The following PDHA2 variants were observed in gnomAD, a reference collection of about 807,000 sequenced individuals.
The protein encoded by PDHA2 is pyruvate dehydrogenase E1 subunit alpha 2.
For missense variants in PDHA2, 533 were observed against 495.8 expected (o/e 1.07, Z -0.71); for synonymous variants, 188 against 185.9 (o/e 1.01, Z -0.09).
At position 95,841,059 on chromosome 4, in the gene PDHA2, A is replaced by C; in HGVS notation, c.909A>C (p.Glu303Asp). ...CTGGAGTCAGTTATCGTACACGAGA[A>C]GAAATTCAGGAAGTAAGAAGTAAGA... ...SDPGVSYRTR[E>D]EIQEVRSKRD... Residue 303 changes from glutamate to aspartate, a missense_variant, in exon 1 of 1, where the codon GAA becomes GAC. Glu to Asp is a conservative substitution (Grantham distance 45). Coordinates refer to ENST00000295266, the MANE Select transcript of PDHA2 (RefSeq NM_005390.5). The C allele has an allele frequency of 6.2e-7, 1 of 1,614,214 alleles. No individual in the cohort carries two copies. The highest frequency in any genetic ancestry group is 8.5e-7 in the Non-Finnish European group (1 of 1,180,038).
rs773360673 is a variant in PDHA2 at position 95,840,960 on chromosome 4, C to G, written c.810C>G (p.Tyr270Ter). 5 of 1,614,040 alleles carry G rather than the reference C, an allele frequency of 3.1e-6. No homozygotes were observed. The highest frequency in any genetic ancestry group is 4.2e-6 in the Non-Finnish European group (5 of 1,180,016). The change falls in exon 1 of 1, where the codon TAC (tyrosine) becomes TAG (stop). Residue 270 changes from tyrosine (Y) to a stop codon, truncating the protein, a stop_gained. Coordinates refer to ENST00000295266, the MANE Select transcript of PDHA2 (RefSeq NM_005390.5). LOFTEE classifies it low-confidence loss of function (END_TRUNC). ...AGGCAACAAAATTTGCAGCTAACTA[C>G]TGTAGATCTGGAAAGGGGCCCATAC... ...VREATKFAANYCRSGKGPILM... is the reference protein window; with the variant it reads ...VREATKFAAN
Position 95,840,570 on chromosome 4 carries a change from AG to A in PDHA2, c.422del (p.Gly141GlufsTer49). 6.2e-7 allele frequency: 1 copy of A among 1,614,138 alleles called. No homozygotes were observed. ...TTCTCGCAGAGCTGACGGGAAGAAG[AG>A]GAGGTTGTGCTAAAGGAAAAGGAGG... ...SILAELTGRR[G>X]GCAKGKGGSM... is the part of the protein sequence containing the mutation. On this transcript the variant is annotated frameshift_variant, in exon 1 of 1. Transcript: ENST00000295266. LOFTEE classifies it low-confidence loss of function (END_TRUNC).
chr4:95,841,148 T>G lies in PDHA2; in HGVS notation c.998T>G (p.Leu333Ter). Residue 333 changes from leucine (L) to a stop codon, truncating the protein, a stop_gained, in exon 1 of 1, where the codon TTA becomes TGA. Transcript: ENST00000295266. LOFTEE classifies it low-confidence loss of function (END_TRUNC). ...AGCAAGCTCGCCACTGTGGAAGAAT[T>G]AAAGGAAATTGGGGCTGAGGTGAGG... ...VNSKLATVEELKEIGAEVRKE... is the reference protein window; with the variant it reads ...VNSKLATVEE 1.2e-6 allele frequency: 2 copies of G among 1,614,118 alleles called. No individual in the cohort carries two copies. The highest frequency in any genetic ancestry group is 2.7e-5 in the African/African-American group (2 of 75,012).
Position 95,841,277 on chromosome 4 carries a change from G to A in PDHA2, c.1127G>A (p.Arg376His), listed in dbSNP as rs144027453. 39 of 1,613,982 alleles carry A rather than the reference G, an allele frequency of 2.4e-5. No homozygotes were observed. The highest frequency in any genetic ancestry group is 3.2e-5 in the Non-Finnish European group (38 of 1,180,018). The stretch of plus-strand genomic sequence containing the variant: ...AGCAGTGATTCATCTTTTGAAGTTC[G>A]TGGTGCAAATCCATGGATCAAGTTT... ...IYSSDSSFEV[R>H]GANPWIKFKS... is the part of the protein sequence containing the mutation. The change falls in exon 1 of 1, where the codon CGT (arginine) becomes CAT (histidine). Residue 376 changes from arginine to histidine, a missense_variant. Physicochemically the swap from Arg to His is conservative, Grantham distance 29 (BLOSUM62 0). Coordinates refer to ENST00000295266, the MANE Select transcript of PDHA2 (RefSeq NM_005390.5).
chr4:95,840,316 A>T lies in PDHA2; in HGVS notation c.166A>T (p.Arg56Trp). ...TCCCCCTGTCACTACAGTGCTCACT[A>T]GGGCGGAGGGGCTTAAATACTACAG... ...EGPPVTTVLT[R>W]AEGLKYYRMM... is the part of the protein sequence containing the mutation. The change falls in exon 1 of 1, where the codon AGG becomes TGG. Residue 56 changes from arginine to tryptophan, a missense_variant. Physicochemically the swap from Arg to Trp is moderately radical, Grantham distance 101. Coordinates refer to ENST00000295266, the MANE Select transcript of PDHA2 (RefSeq NM_005390.5). 6.2e-7 allele frequency: 1 copy of T among 1,614,220 alleles called. No homozygotes were observed. The highest frequency in any genetic ancestry group is 1.1e-5 in the South Asian group (1 of 91,086).
chr4:95,840,114 G>T lies in PDHA2; in HGVS notation c.-37G>T, dbSNP rs377396530. ...GGCCAGGCCTTCCGGCGGTCGTTAC[G>T]GGACGCCGCTGCCATCTACAGCACT... On this transcript the variant is annotated 5_prime_UTR_variant, in exon 1 of 1. Coordinates refer to ENST00000295266, the MANE Select transcript of PDHA2 (RefSeq NM_005390.5). 5.2e-6 allele frequency: 8 copies of T among 1,541,494 alleles called. No individual in the cohort carries two copies. Among genetic ancestry groups the T allele is most frequent in the African/African-American group, 2.7e-5 (2 of 73,418 alleles).
In PDHA2 at chr4:95,840,116, G is replaced by C. The variant is rs746609952; in HGVS notation, c.-35G>C. ...CCAGGCCTTCCGGCGGTCGTTACGG[G>C]ACGCCGCTGCCATCTACAGCACTCC... On this transcript the variant is annotated 5_prime_UTR_variant, in exon 1 of 1. Transcript: ENST00000295266. The C allele has an allele frequency of 3.9e-6, 6 of 1,546,856 alleles. No homozygotes were observed. In the Admixed American group the frequency reaches 9.2e-5, roughly 24 times the overall value.
Position 95,841,074 on chromosome 4 carries a change from A to G in PDHA2, c.924A>G (p.Val308=), listed in dbSNP as rs576933817. Residue 308 remains valine, a synonymous_variant, in exon 1 of 1, where the codon GTA becomes GTG. Transcript: ENST00000295266. ...GTACACGAGAAGAAATTCAGGAAGT[A>G]AGAAGTAAGAGGGATCCTATAATAA... ...SYRTREEIQE[V]RSKRDPIIIL... 7.4e-5 allele frequency: 120 copies of G among 1,614,126 alleles called. 1 individual carries two copies. In the South Asian group the frequency reaches 1.1e-3, roughly 14 times the overall value.
Position 95,841,122 on chromosome 4 carries a change from C to T in PDHA2, c.972C>T (p.Asn324=). The T allele has an allele frequency of 6.2e-7, 1 of 1,614,130 alleles. No individual in the cohort carries two copies. Among genetic ancestry groups the T allele is most frequent in the East Asian group, 2.2e-5 (1 of 44,882 alleles). ...TAATTCTCCAAGATAGAATGGTAAA[C>T]AGCAAGCTCGCCACTGTGGAAGAAT... is the stretch of plus-strand genomic sequence containing the variant. ...PIIILQDRMV[N]SKLATVEELK... is the part of the protein sequence containing the mutation. The change falls in exon 1 of 1, where the codon AAC becomes AAT. Residue 324 remains asparagine, a synonymous_variant. Coordinates refer to ENST00000295266, the MANE Select transcript of PDHA2 (RefSeq NM_005390.5).
At position 95,841,161 on chromosome 4, in the gene PDHA2, G is replaced by A. The variant is rs1198068064; in HGVS notation, c.1011G>A (p.Gly337=). The change falls in exon 1 of 1, where the codon GGG becomes GGA. Residue 337 remains glycine (G), a synonymous_variant. Transcript: ENST00000295266. ...LATVEELKEI[G]AEVRKEIDDA... ...CTGTGGAAGAATTAAAGGAAATTGG[G>A]GCTGAGGTGAGGAAAGAAATTGATG... 1.9e-6 allele frequency: 3 copies of A among 1,613,994 alleles called. No individual in the cohort carries two copies. Among genetic ancestry groups the A allele is most frequent in the Admixed American group, 1.7e-5 (1 of 60,006 alleles).
rs778960030 is a variant in PDHA2 at position 95,840,113 on chromosome 4, C to A, written c.-38C>A. The A allele has an allele frequency of 2.0e-6, 3 of 1,537,864 alleles. No individual in the cohort carries two copies. The Admixed American group carries it at 5.6e-5, about 29-fold the overall frequency. On this transcript the variant is annotated 5_prime_UTR_variant, in exon 1 of 1. Coordinates refer to ENST00000295266, the MANE Select transcript of PDHA2 (RefSeq NM_005390.5). ...AGGCCAGGCCTTCCGGCGGTCGTTA[C>A]GGGACGCCGCTGCCATCTACAGCAC...
In PDHA2 at chr4:95,840,191, C is replaced by A. The variant is rs532403404; in HGVS notation, c.41C>A (p.Ala14Asp). The change falls in exon 1 of 1, where the codon GCC (alanine) becomes GAC (aspartate). Residue 14 changes from alanine (A) to aspartate (D), a missense_variant. By Grantham distance (126) the Ala-to-Asp change is moderately radical. Transcript: ENST00000295266. ...ATCTCCCGCGTGTTGAGGCGAGTTG[C>A]CCAGAAATCAGCTCGCAGAGTGCTG... ...AFISRVLRRV[A>D]QKSARRVLVA... is the part of the protein sequence containing the mutation. The A allele has an allele frequency of 1.2e-6, 2 of 1,613,860 alleles. No homozygotes were observed.
Position 95,841,043 on chromosome 4 carries a change from G to T in PDHA2, c.893G>T (p.Ser298Ile). Reference protein sequence around the residue: ...HGHSMSDPGVSYRTREEIQEV... With the variant: ...HGHSMSDPGVIYRTREEIQEV... ...CACAGTATGAGTGATCCTGGAGTCA[G>T]TTATCGTACACGAGAAGAAATTCAG... is the stretch of plus-strand genomic sequence containing the variant. The change falls in exon 1 of 1, where the codon AGT (serine) becomes ATT (isoleucine). Residue 298 changes from serine (S) to isoleucine (I), a missense_variant. Transcript: ENST00000295266. The T allele has an allele frequency of 6.2e-7, 1 of 1,614,146 alleles. No individual in the cohort carries two copies. The highest frequency in any genetic ancestry group is 8.5e-7 in the Non-Finnish European group (1 of 1,180,030).
At position 95,841,017 on chromosome 4, in the gene PDHA2, A is replaced by AT; in HGVS notation, c.867_868insT (p.His290SerfsTer5). Reference sequence around the variant, plus strand: ...AGCTGCAAACCTACCGTTATCATGGACACAGTATGAGTGATCCTGGAGTCA... The same window carrying AT: ...AGCTGCAAACCTACCGTTATCATGGATCACAGTATGAGTGATCCTGGAGTCA... On this transcript the variant is annotated frameshift_variant, in exon 1 of 1. Transcript: ENST00000295266. LOFTEE classifies it low-confidence loss of function (END_TRUNC). 1 of 1,614,172 alleles carries AT rather than the reference A, an allele frequency of 6.2e-7. No homozygotes were observed. Among genetic ancestry groups the AT allele is most frequent in the Non-Finnish European group, 8.5e-7 (1 of 1,180,044 alleles).
Position 95,841,084 on chromosome 4 carries a change from A to G in PDHA2, c.934A>G (p.Arg312Gly). The change falls in exon 1 of 1, where the codon AGG (arginine) becomes GGG (glycine). Residue 312 changes from arginine (R) to glycine (G), a missense_variant. Coordinates refer to ENST00000295266, the MANE Select transcript of PDHA2 (RefSeq NM_005390.5). ...REEIQEVRSK[R>G]DPIIILQDRM... ...AGAAATTCAGGAAGTAAGAAGTAAG[A>G]GGGATCCTATAATAATTCTCCAAGA... 1 of 1,614,142 alleles carries G rather than the reference A, an allele frequency of 6.2e-7. No homozygotes were observed. Among genetic ancestry groups the G allele is most frequent in the Non-Finnish European group, 8.5e-7 (1 of 1,179,986 alleles).
In PDHA2 at chr4:95,840,184, C is replaced by T. The variant is rs747424149; in HGVS notation, c.34C>T (p.Arg12Ter). ...LAAFISRVLR[R>*]VAQKSARRVL... ...CGCCTTCATCTCCCGCGTGTTGAGG[C>T]GAGTTGCCCAGAAATCAGCTCGCAG... Residue 12 changes from arginine (R) to a stop codon, truncating the protein, a stop_gained, in exon 1 of 1, where the codon CGA (arginine) becomes TGA (stop). Transcript: ENST00000295266. LOFTEE classifies it low-confidence loss of function (END_TRUNC). 4.3e-6 allele frequency: 7 copies of T among 1,613,410 alleles called. No individual in the cohort carries two copies. The highest frequency in any genetic ancestry group is 1.3e-5 in the African/African-American group (1 of 75,056).
rs762066606 is a variant in PDHA2, at chr4:95,840,907, G to A, written c.757G>A (p.Asp253Asn). 4.3e-6 allele frequency: 7 copies of A among 1,614,124 alleles called. No individual in the cohort carries two copies. Among genetic ancestry groups the A allele is most frequent in the South Asian group, 3.3e-5 (3 of 91,074 alleles). The change falls in exon 1 of 1, where the codon GAT becomes AAT. Residue 253 changes from aspartate to asparagine, a missense_variant. By Grantham distance (23) the Asp-to-Asn change is conservative. Coordinates refer to ENST00000295266, the MANE Select transcript of PDHA2 (RefSeq NM_005390.5). Reference protein sequence around the residue: ...RGNFIPGLKVDGMDVLCVREA... With the variant: ...RGNFIPGLKVNGMDVLCVREA... Reference sequence around the variant, plus strand: ...CAATTTTATCCCTGGGCTAAAGGTCGATGGAATGGATGTTCTGTGTGTTCG... The same window carrying A: ...CAATTTTATCCCTGGGCTAAAGGTCAATGGAATGGATGTTCTGTGTGTTCG...
At position 95,840,465 on chromosome 4, in the gene PDHA2, C is replaced by T. The variant is rs756363795; in HGVS notation, c.315C>T (p.Gly105=). The T allele has an allele frequency of 1.2e-6, 2 of 1,614,186 alleles. No individual in the cohort carries two copies. Among genetic ancestry groups the T allele is most frequent in the South Asian group, 1.1e-5 (1 of 91,092 alleles). The part of the protein sequence containing the change: ...QEACCVGLEA[G]INPSDHVITS... ...CTTGTTGCGTGGGCCTTGAGGCCGG[C>T]ATAAACCCCTCGGATCACGTCATTA... is the stretch of plus-strand genomic sequence containing the variant. The change falls in exon 1 of 1, where the codon GGC becomes GGT. Residue 105 remains glycine (G), a synonymous_variant. Transcript: ENST00000295266.
In PDHA2 at chr4:95,840,330, T is replaced by G. The variant is rs1453415841; in HGVS notation, c.180T>G (p.Leu60=). Residue 60 remains leucine (L), a synonymous_variant, in exon 1 of 1, where the codon CTT becomes CTG. Transcript: ENST00000295266. Reference sequence around the variant, plus strand: ...CAGTGCTCACTAGGGCGGAGGGGCTTAAATACTACAGGATGATGCTGACTG... The same window carrying G: ...CAGTGCTCACTAGGGCGGAGGGGCTGAAATACTACAGGATGATGCTGACTG... ...VTTVLTRAEG[L]KYYRMMLTVR... 1 of 1,614,066 alleles carries G rather than the reference T, an allele frequency of 6.2e-7. No individual in the cohort carries two copies. The highest frequency in any genetic ancestry group is 1.3e-5 in the African/African-American group (1 of 74,918).
Sources: gnomAD v4.1 joint callset for allele counts on GRCh38, gnomAD v4.1.1 for gene constraint, MANE v1.5 for transcripts, NCBI Gene and HGNC (gene_info 2026-07-23, HGNC 2026-07-21) for gene names.